The following VPS50 variants were observed in gnomAD, a reference collection of about 807,000 sequenced individuals.
VPS50 encodes syndetin.
VPS50 carries 70 observed loss-of-function variants against 139.7 expected under a neutral mutation model. The ratio of observed to expected loss-of-function variants is 0.50; its 90% CI spans 0.41 to 0.61. VPS50 has a LOEUF of 0.61. Among genes scored for constraint, VPS50 ranks in the 20% least tolerant of loss-of-function variants. VPS50 has a pLI of 0.00. For missense variants in VPS50, 921 were observed against 1,133.7 expected, an observed-to-expected ratio of 0.81 and a Z score of 2.69; for synonymous variants, 365 against 376.7, an observed-to-expected ratio of 0.97 and a Z score of 0.36.
At chr7:93,333,360 A>G (rs1460876459) in intron 21 of VPS50, among the ~76,000 whole-genome samples, 4 of 152,160 alleles carry the variant, frequency 2.6e-5, no homozygotes, top group Non-Finnish European at 5.9e-5. Flanking sequence ...CATAATTTCT[A>G]TGACTATGTT....
intron 21 of VPS50, among the ~76,000 whole-genome samples, chr7:93,326,615 G>T (rs1276090262): frequency 1.3e-5 from 2 of 151,762 alleles, no homozygotes; most frequent in African/African-American, 2.4e-5. Context: ...TGTTTCCAAA[G>T]CTCTTATTGA....
intron 1 of VPS50, among the ~76,000 whole-genome samples, chr7:93,234,255 C>T (rs1393664989): frequency 6.6e-6 from 1 of 152,056 alleles, no homozygotes; most frequent in African/African-American, 2.4e-5. Flanking sequence ...TTTTGTAAAA[C>T]TGAGGAGAGA....
In VPS50 at chr7:93,312,316, C is replaced by T. The variant is rs115500443; in HGVS notation, c.1855+1044C>T. On this transcript the variant is annotated intron_variant, in intron 20 of 27. Transcript: ENST00000305866. ...TGAACATAGTGTCAGAAATAACTCT[C>T]GAGAATTTGTAGAATCAGAATTGGG... 6.7e-3 allele frequency among the ~76,000 whole-genome samples: 1,021 copies of T among 152,214 alleles called. 11 individuals carry two copies. The highest frequency in any genetic ancestry group is 0.023 in the African/African-American group (946 of 41,540).
intron 2 of VPS50, chr7:93,246,049 T>A: frequency 9.0e-7 from 1 of 1,106,100 alleles, no homozygotes; most frequent in Non-Finnish European, 1.3e-6. Flanking sequence ...TTCTTACTTC[T>A]AGCTCTGTTT....
At chr7:93,283,555 A>G (rs1435764355) in intron 12 of VPS50, among the ~76,000 whole-genome samples, 2 of 152,038 alleles carry the variant, frequency 1.3e-5, no homozygotes, top group Non-Finnish European at 2.9e-5. Flanking sequence ...TTTCTTACTC[A>G]GTCGTCAGTT....
chr7:93,348,758 C>T lies in VPS50; in HGVS notation c.2255C>T (p.Ala752Val). The change falls in exon 24 of 28, where the codon GCT becomes GTT. Residue 752 changes from alanine to valine, a missense_variant. This residue lies in a region of VPS50 where 744 missense variants were observed against 930.6 expected (regional missense o/e 0.80). Transcript: ENST00000305866. Reference sequence around the variant, plus strand: ...GAGTTCCTTCAGCCACATCTGGATGCTGTGATGCCTGCAGTCAAAAAGCCC... The same window carrying T: ...GAGTTCCTTCAGCCACATCTGGATGTTGTGATGCCTGCAGTCAAAAAGCCC... ...QFEFLQPHLDAVMPAVKKPFL... is the reference protein window; with the variant it reads ...QFEFLQPHLDVVMPAVKKPFL... 1.2e-6 allele frequency: 2 copies of T among 1,613,584 alleles called. No homozygotes were observed. Among genetic ancestry groups the T allele is most frequent in the Middle Eastern group, 1.7e-4 (1 of 6,058 alleles).
At chr7:93,342,042 T>C (rs1798227053) in intron 23 of VPS50, among the ~76,000 whole-genome samples, 2 of 152,148 alleles carry the variant, frequency 1.3e-5, no homozygotes, top group South Asian at 4.1e-4. Context: ...AGACGGGTGA[T>C]TTCTGCATTT....
rs1162967159 is a variant in VPS50 at position 93,358,892 on chromosome 7, T to C, written c.*456T>C. The C allele has an allele frequency of 1.3e-5, 2 of 153,118 alleles. No individual in the cohort carries two copies. Among genetic ancestry groups the C allele is most frequent in the African/African-American group, 2.4e-5 (1 of 41,446 alleles). The allele number at this position is 153,118 out of a possible 1,614,324, so 9.5% of individuals were successfully genotyped here. A position where few individuals can be genotyped will look rare whatever the true frequency, so the allele number is the denominator to read the frequency against. ...CACTGCATGAGAATTAAAAAACACA[T>C]GTAAGTAAAATAGTTGAAAAATCAG... On this transcript the variant is annotated 3_prime_UTR_variant, in exon 28 of 28. Transcript: ENST00000305866.
At chr7:93,296,622 G>T (rs866312047) in intron 14 of VPS50, 120 bp from the exon 15 acceptor site, 2 of 1,466,656 alleles carry the variant, frequency 1.4e-6, no homozygotes, top group Admixed American at 2.8e-5. Flanking sequence ...ATAGATATTC[G>T]TTAACAAATT....
chr7:93,282,160 C>T (rs1405668421), intron 12 of VPS50, among the ~76,000 whole-genome samples: 2 of 151,276 alleles, frequency 1.3e-5, no homozygotes, highest in East Asian at 1.9e-4. Context: ...GCTGAGATTG[C>T]GCCACTGCAC....
At position 93,239,672 on chromosome 7, in the gene VPS50, A is replaced by AG. The variant is rs113979644; in HGVS notation, c.34-193dup. 2.5e-3 allele frequency among the ~76,000 whole-genome samples: 382 copies of AG among 152,304 alleles called. 2 individuals are homozygous for AG. Among genetic ancestry groups the AG allele is most frequent in the African/African-American group, 8.7e-3 (362 of 41,584 alleles). ...TACTCTTTTATTTTAAAATACCAAA[A>AG]GTACACCCTTCTCTGATTTAATAAT... On this transcript the variant is annotated intron_variant, in intron 1 of 27. Transcript: ENST00000305866.
intron 1 of VPS50, among the ~76,000 whole-genome samples, chr7:93,234,581 C>A (rs1386452774): frequency 6.6e-6 from 1 of 152,008 alleles, no homozygotes; most frequent in African/African-American, 2.4e-5. Context: ...AATTAGTGTG[C>A]CTGCTATTTA....
At chr7:93,356,498 G>A (rs753843282) in intron 27 of VPS50, among the ~76,000 whole-genome samples, 6 of 152,100 alleles carry the variant, frequency 3.9e-5, no homozygotes, top group African/African-American at 9.7e-5. Flanking sequence ...ACTCCTCAAC[G>A]ATGAAATGGT....
chr7:93,335,254 C>G (rs1158520956), intron 22 of VPS50, among the ~76,000 whole-genome samples: 1 of 152,134 alleles, frequency 6.6e-6, no homozygotes, highest in East Asian at 1.9e-4. Flanking sequence ...GGATCTTGAG[C>G]AGAGATGTGA....
At chr7:93,356,525 A>T (rs1223955949) in intron 27 of VPS50, among the ~76,000 whole-genome samples, 1 of 152,174 alleles carries the variant, frequency 6.6e-6, no homozygotes, top group East Asian at 1.9e-4. Flanking sequence ...CTACACACTG[A>T]CACGTATTAG....
intron 17 of VPS50, among the ~76,000 whole-genome samples, chr7:93,303,980 C>T (rs975116241): frequency 2.6e-5 from 4 of 151,690 alleles, no homozygotes; most frequent in African/African-American, 9.7e-5. Context: ...ATTTGTGCTG[C>T]AATTCTTAAA....
chr7:93,345,737 T>C (rs1410947937), intron 23 of VPS50, among the ~76,000 whole-genome samples: 2 of 152,202 alleles, frequency 1.3e-5, no homozygotes, highest in Non-Finnish European at 2.9e-5. Context: ...CACATGATTA[T>C]CTCAATAGAT....
intron 9 of VPS50, among the ~76,000 whole-genome samples, chr7:93,267,568 T>A (rs1795877291): frequency 6.6e-6 from 1 of 152,172 alleles, no homozygotes; most frequent in African/African-American, 2.4e-5. Context: ...CACAGTGCCT[T>A]AAACACTTGT....
At chr7:93,245,010 A>C (rs1452281256) in intron 2 of VPS50, among the ~76,000 whole-genome samples, 1 of 151,856 alleles carries the variant, frequency 6.6e-6, no homozygotes, top group African/African-American at 2.4e-5. Flanking sequence ...GCAGTTACTA[A>C]TCATTGAAGA....
Sources: allele counts gnomAD v4.1 joint callset (sites outside exome capture counted in the v4.1 genomes callset), GRCh38; gene constraint gnomAD v4.1.1; regional missense constraint gnomAD v4.1.1; transcripts MANE v1.5; gene names NCBI Gene and HGNC (gene_info 2026-07-23, HGNC 2026-07-21).